The following LRRIQ3 variants were observed in gnomAD, a reference collection of about 807,000 sequenced individuals.
LRRIQ3 encodes the protein leucine rich repeats and IQ motif containing 3, also known as leucine-rich repeat and IQ domain-containing protein 3.
In LRRIQ3, 75 loss-of-function variants were observed where a neutral mutation model predicts 59.3. That is an observed-to-expected ratio of 1.26 (90% CI 1.05 to 1.53). LRRIQ3 has a LOEUF of 1.53. LRRIQ3 is among the 40% of genes most tolerant of loss of function. LRRIQ3 has a pLI of 0.00. For synonymous variants in LRRIQ3, 250 were observed against 231.3 expected (o/e 1.08, Z -0.73); for missense variants, 831 against 710.0 (o/e 1.17, Z -1.94).
At chr1:74,085,448 T>C (rs1457590421) in intron 5 of LRRIQ3, among the ~76,000 whole-genome samples, 3 of 151,472 alleles carry the variant, frequency 2.0e-5, no homozygotes, top group African/African-American at 7.3e-5. Flanking sequence ...AATAAAGACA[T>C]AAACAAACCT....
intron 4 of LRRIQ3, among the ~76,000 whole-genome samples, chr1:74,124,712 T>C (rs1557626952): frequency 6.6e-6 from 1 of 151,870 alleles, no homozygotes; most frequent in African/African-American, 2.4e-5. Flanking sequence ...TATTCCATTG[T>C]TCTATATGTC....
At chr1:74,056,479 C>T (rs1278871716) in intron 6 of LRRIQ3, among the ~76,000 whole-genome samples, 1 of 151,906 alleles carries the variant, frequency 6.6e-6, no homozygotes, top group Non-Finnish European at 1.5e-5. Context: ...AGGAAGACTC[C>T]ACCAAAAAAC....
At chr1:74,164,736 T>C (rs1648871434) in intron 3 of LRRIQ3, among the ~76,000 whole-genome samples, 1 of 151,564 alleles carries the variant, frequency 6.6e-6, no homozygotes, top group East Asian at 1.9e-4. Context: ...AAGAATTCTG[T>C]CTAGTCCTAG....
At chr1:74,095,875 G>T (rs909798638) in intron 5 of LRRIQ3, among the ~76,000 whole-genome samples, 1 of 151,960 alleles carries the variant, frequency 6.6e-6, no homozygotes, top group African/African-American at 2.4e-5. Context: ...TTAGCAGAGG[G>T]TCTCAAACTT....
intron 4 of LRRIQ3, chr1:74,144,389 C>T (rs1647419700): frequency 3.8e-6 from 1 of 265,944 alleles, no homozygotes; most frequent in South Asian, 4.0e-5. Context: ...TCCAGTTTAA[C>T]ATGAAACATT....
At chr1:74,167,401 C>CT (rs1357464266) in intron 3 of LRRIQ3, among the ~76,000 whole-genome samples, 1 of 151,634 alleles carries the variant, frequency 6.6e-6, no homozygotes, top group Non-Finnish European at 1.5e-5. Flanking sequence ...GGGAGCTAAG[C>CT]TATGAGGACT....
intron 7 of LRRIQ3, among the ~76,000 whole-genome samples, chr1:74,033,865 C>T (rs999017240): frequency 3.9e-5 from 6 of 151,906 alleles, no homozygotes; most frequent in African/African-American, 1.4e-4. Context: ...CTAAGTGATA[C>T]CCTACTTCAA....
intron 4 of LRRIQ3, among the ~76,000 whole-genome samples, chr1:74,113,971 CTA>C (rs1035361311): frequency 1.3e-5 from 2 of 151,382 alleles, no homozygotes; most frequent in African/African-American, 4.8e-5. Context: ...ATCTCTCTCT[CTA>C]TATATATACA....
intron 4 of LRRIQ3, among the ~76,000 whole-genome samples, chr1:74,122,434 T>C (rs1228323046): frequency 6.6e-6 from 1 of 152,144 alleles, no homozygotes; most frequent in East Asian, 1.9e-4. Context: ...GGTTGTTTTT[T>C]TCTTATAAAT....
At position 74,183,619 on chromosome 1, in the gene LRRIQ3, G is replaced by A; in HGVS notation, c.66C>T (p.Asn22=). 1 of 1,611,776 alleles carries A rather than the reference G, an allele frequency of 6.2e-7. No homozygotes were observed. The change falls in exon 2 of 8, where the codon AAC becomes AAT. Residue 22 remains asparagine (N), a synonymous_variant. Coordinates refer to ENST00000354431, the MANE Select transcript of LRRIQ3 (RefSeq NM_001105659.2). ...CAAAATCTTTTTGACCTTCTCTTAT[G>A]TTTTCATTATAGTGACTCCATTCTT... is the stretch of plus-strand genomic sequence containing the variant. ...SHEEWSHYNE[N]IREGQKDFVF... is the part of the protein sequence containing the mutation.
intron 7 of LRRIQ3, among the ~76,000 whole-genome samples, chr1:74,032,594 C>G (rs1219691301): frequency 6.6e-6 from 1 of 152,076 alleles, no homozygotes. Flanking sequence ...ATCTGATGTT[C>G]TCTTTTGTCT....
At chr1:74,136,897 T>G (rs1038157705) in intron 4 of LRRIQ3, among the ~76,000 whole-genome samples, 1 of 151,996 alleles carries the variant, frequency 6.6e-6, no homozygotes, top group Admixed American at 6.6e-5. Context: ...TTTTAGAGTC[T>G]TATTTGCTGA....
At chr1:74,145,994 C>T (rs1006570389) in intron 4 of LRRIQ3, among the ~76,000 whole-genome samples, 18 of 152,056 alleles carry the variant, frequency 1.2e-4, no homozygotes, top group Non-Finnish European at 8.8e-5. Context: ...CTTTTACTCT[C>T]TTTTCTATAT....
At chr1:74,028,174 G>A (rs1202319105) in intron 7 of LRRIQ3, among the ~76,000 whole-genome samples, 1 of 151,950 alleles carries the variant, frequency 6.6e-6, no homozygotes, top group Non-Finnish European at 1.5e-5. Context: ...AGGAGAACAA[G>A]GCAGCAGGCA....
chr1:74,151,701 C>T (rs532679892), intron 4 of LRRIQ3, among the ~76,000 whole-genome samples: 1 of 152,188 alleles, frequency 6.6e-6, no homozygotes, highest in African/African-American at 2.4e-5. Flanking sequence ...AACTAACCAG[C>T]CAAAACTCTC....
At chr1:74,185,803 C>T (rs898571147) in intron 1 of LRRIQ3, among the ~76,000 whole-genome samples, 1 of 151,702 alleles carries the variant, frequency 6.6e-6, no homozygotes, top group Non-Finnish European at 1.5e-5. Context: ...ATTAGCCGGA[C>T]GTGGTGGCGG....
intron 5 of LRRIQ3, among the ~76,000 whole-genome samples, chr1:74,107,293 C>T (rs1646628360): frequency 6.6e-6 from 1 of 152,052 alleles, no homozygotes; most frequent in East Asian, 1.9e-4. Context: ...TATTGTTTTG[C>T]TCATGGCATG....
chr1:74,052,903 T>C (rs1557594188), intron 6 of LRRIQ3, among the ~76,000 whole-genome samples: 3 of 152,200 alleles, frequency 2.0e-5, no homozygotes, highest in African/African-American at 7.2e-5. Context: ...CCTTGTTCAC[T>C]ATTCTTTCTG....
chr1:74,171,303 C>G (rs1570252476), intron 3 of LRRIQ3, among the ~76,000 whole-genome samples: 2 of 152,168 alleles, frequency 1.3e-5, no homozygotes, highest in East Asian at 3.9e-4. Flanking sequence ...CCTTATATTG[C>G]ATTGAGGGAA....
Sources: gnomAD v4.1 joint callset for allele counts (sites outside exome capture counted in the v4.1 genomes callset) on GRCh38, gnomAD v4.1.1 for gene constraint, MANE v1.5 for transcripts, NCBI Gene and HGNC (gene_info 2026-07-23, HGNC 2026-07-21) for gene names.